The following CSMD2 variants were observed in gnomAD, a reference collection of about 807,000 sequenced individuals.
CSMD2 encodes the protein CUB and sushi domain-containing protein 2.
Under a neutral mutation model 398.5 loss-of-function variants are expected in CSMD2, and 130 were observed. That is an observed-to-expected ratio of 0.33 (90% CI 0.28 to 0.38). The LOEUF is 0.38. Among genes scored for constraint, CSMD2 ranks in the 10% least tolerant of loss-of-function variants. The pLI is 1.00. For synonymous variants in CSMD2, 1,828 were observed against 1,908.5 expected (o/e 0.96, Z 1.10); for missense variants, 3,829 against 4,764.9 (o/e 0.80, Z 5.78).
At chr1:33,862,701 C>T (rs1884983) in intron 5 of CSMD2, among the ~76,000 whole-genome samples, 50,025 of 151,926 alleles carry the variant, frequency 0.33, 10,159 homozygotes, top group African/African-American at 0.57. Flanking sequence ...TACAGCTTGT[C>T]CCCTGGAGGG....
chr1:33,719,541 A>G (rs1646285662), intron 19 of CSMD2, among the ~76,000 whole-genome samples: 2 of 152,196 alleles, frequency 1.3e-5, no homozygotes. Flanking sequence ...TTGAATCCAG[A>G]TTTGATGTGA....
chr1:33,677,352 A>G (rs1234021274), intron 25 of CSMD2, among the ~76,000 whole-genome samples: 1 of 152,268 alleles, frequency 6.6e-6, no homozygotes, highest in Admixed American at 6.5e-5. Context: ...CAAAAAACAC[A>G]TGAAAAAATG....
intron 13 of CSMD2, among the ~76,000 whole-genome samples, chr1:33,746,053 AC>A (rs1218344833): frequency 6.6e-6 from 1 of 152,094 alleles, no homozygotes; most frequent in Non-Finnish European, 1.5e-5. Flanking sequence ...CTAACCCCCC[AC>A]CATGTCTCTC....
rs369436710 is a variant in CSMD2, at chr1:34,026,820, G to A, written c.517+5774C>T. On this transcript the variant is annotated intron_variant, in intron 3 of 70. Coordinates refer to ENST00000373381, the MANE Select transcript of CSMD2 (RefSeq NM_001281956.2). ...GGAAACATCAGATAGAGACACACTG[G>A]GGGTAGAGTGGGGAAGATGCAGGCT... is the stretch of plus-strand genomic sequence containing the variant. Among the ~76,000 whole-genome samples, 27 of 152,284 alleles carry A rather than the reference G, an allele frequency of 1.8e-4. No individual in the cohort carries two copies. In the South Asian group the frequency reaches 5.0e-3, roughly 28 times the overall value.
chr1:33,607,560 G>A (rs1337620386), intron 41 of CSMD2, among the ~76,000 whole-genome samples: 1 of 152,198 alleles, frequency 6.6e-6, no homozygotes, highest in African/African-American at 2.4e-5. Context: ...AGAGTTATTT[G>A]GGCCTATCAC....
chr1:33,531,394 T>C (rs1392946146), intron 64 of CSMD2, among the ~76,000 whole-genome samples: 2 of 152,160 alleles, frequency 1.3e-5, no homozygotes, highest in Non-Finnish European at 2.9e-5. Flanking sequence ...CTGGTGGGAA[T>C]AACATGGTGC....
intron 66 of CSMD2, among the ~76,000 whole-genome samples, chr1:33,524,453 C>T (rs892780556): frequency 6.6e-6 from 1 of 152,096 alleles, no homozygotes; most frequent in Non-Finnish European, 1.5e-5. Context: ...TGGCTGAACC[C>T]GACCTGCACT....
At chr1:33,679,199 G>GTCTTTTTTTTTTTTTTTTTTTTTTTTTTT (rs1644821188) in intron 25 of CSMD2, among the ~76,000 whole-genome samples, 1 of 84,216 alleles carries the variant, frequency 1.2e-5, no homozygotes, top group African/African-American at 4.3e-5. Flanking sequence ...AATTGCAGTT[G>GTCTTTTTTTTTTTTTTTTTTTTTTTTTTT]TTTTTTTTTT....
At chr1:33,903,258 A>G (rs1001437840) in intron 5 of CSMD2, among the ~76,000 whole-genome samples, 1 of 152,216 alleles carries the variant, frequency 6.6e-6, no homozygotes, top group African/African-American at 2.4e-5. Context: ...AAAAAAGCCA[A>G]AAAGGAAAAA....
intron 1 of CSMD2, among the ~76,000 whole-genome samples, chr1:34,140,384 T>A (rs1275749975): frequency 6.6e-6 from 1 of 150,614 alleles, no homozygotes; most frequent in African/African-American, 2.4e-5. Flanking sequence ...AGGCTGAAAT[T>A]CTGGCTCTCC....
chr1:33,690,097 C>G (rs1645186858), intron 25 of CSMD2, among the ~76,000 whole-genome samples: 1 of 152,182 alleles, frequency 6.6e-6, no homozygotes, highest in Non-Finnish European at 1.5e-5. Context: ...CGCCCATTCT[C>G]CTCCAAACTG....
chr1:33,977,498 T>A (rs1300098420), intron 3 of CSMD2, among the ~76,000 whole-genome samples: 1 of 151,974 alleles, frequency 6.6e-6, no homozygotes, highest in Non-Finnish European at 1.5e-5. Flanking sequence ...CTCTCTTAGG[T>A]CTCACCTGCT....
intron 2 of CSMD2, among the ~76,000 whole-genome samples, chr1:34,088,214 G>C (rs1658137910): frequency 6.6e-6 from 1 of 152,220 alleles, no homozygotes. Context: ...CCAGGGCTTG[G>C]CTTGTAAGCC....
At chr1:33,959,617 T>C (rs573268848) in intron 3 of CSMD2, among the ~76,000 whole-genome samples, 102 of 152,252 alleles carry the variant, frequency 6.7e-4, no homozygotes, top group African/African-American at 2.4e-3. Context: ...CCCCTCTCCC[T>C]CCTGCTGCCC....
At chr1:33,661,682 G>C (rs535213177) in intron 26 of CSMD2, among the ~76,000 whole-genome samples, 19 of 152,306 alleles carry the variant, frequency 1.2e-4, no homozygotes, top group Non-Finnish European at 2.5e-4. Context: ...AAATTTATAA[G>C]TATAAAGCAA....
At chr1:33,648,137 C>T (rs188334516) in intron 28 of CSMD2, among the ~76,000 whole-genome samples, 21 of 152,112 alleles carry the variant, frequency 1.4e-4, no homozygotes, top group African/African-American at 2.2e-4. Context: ...CTGAGGTGGG[C>T]GGATCACAAG....
At chr1:33,724,134 C>T in intron 19 of CSMD2, 63 bp downstream of exon 19, 1 of 1,174,014 alleles carries the variant, frequency 8.5e-7, no homozygotes. Context: ...TCAACTTGAC[C>T]TGAGGAACTT....
chr1:33,937,498 CT>C (rs971362319), intron 3 of CSMD2, among the ~76,000 whole-genome samples: 4 of 152,158 alleles, frequency 2.6e-5, no homozygotes, highest in Admixed American at 1.3e-4. Context: ...AATGGCCCCC[CT>C]AGTCCTTGCA....
At position 33,514,667 on chromosome 1, in the gene CSMD2, A is replaced by G. The variant is rs1357043408; in HGVS notation, c.*1957T>C. 6.6e-6 allele frequency: 1 copy of G among 152,312 alleles called. No homozygotes were observed. Among genetic ancestry groups the G allele is most frequent in the Non-Finnish European group, 1.5e-5 (1 of 68,186 alleles). The allele number at this position is 152,312 out of a possible 1,614,324, so 9.4% of individuals were successfully genotyped here. The stretch of plus-strand genomic sequence containing the variant: ...TCGAAGGAGAGGAGTGTAAGGGGGA[A>G]GGGAGCATAAGAAATTGGGAGGGGA... On this transcript the variant is annotated 3_prime_UTR_variant, in exon 71 of 71. Transcript: ENST00000373381.
Sources: gnomAD v4.1 joint callset for allele counts (sites outside exome capture counted in the v4.1 genomes callset) on GRCh38, gnomAD v4.1.1 for gene constraint, MANE v1.5 for transcripts, NCBI Gene and HGNC (gene_info 2026-07-23, HGNC 2026-07-21) for gene names.